Variants in NEBL observed in about 807,000 individuals in gnomAD.
The protein encoded by NEBL is LIM and SH3 protein 2.
Under a neutral mutation model 140.2 loss-of-function variants are expected in NEBL, and 122 were observed. That is an observed-to-expected ratio of 0.87 (90% CI 0.75 to 1.01). The LOEUF is 1.01. Among genes scored for constraint, NEBL ranks in the 50% least tolerant of loss-of-function variants. The probability of loss-of-function intolerance (pLI) is 0.00; values close to 1 mark genes in which losing one functional copy is unlikely to be tolerated. For missense variants in NEBL, 1,365 were observed against 1,231.3 expected (o/e 1.11, Z -1.62); for synonymous variants, 436 against 398.9 (o/e 1.09, Z -1.11).
intron 2 of NEBL, among the ~76,000 whole-genome samples, chr10:21,154,735 C>T (rs994788125): frequency 1.3e-5 from 2 of 152,210 alleles, no homozygotes; most frequent in African/African-American, 2.4e-5. Context: ...TTAACTCTTA[C>T]TCCAAATCCA....
At chr10:20,931,778 C>A (rs1318296673) in intron 4 of NEBL, among the ~76,000 whole-genome samples, 2 of 152,112 alleles carry the variant, frequency 1.3e-5, no homozygotes, top group African/African-American at 2.4e-5. Context: ...GCCCCATATT[C>A]TATCATCCTT....
At chr10:21,113,289 C>A (rs1382200078) in intron 2 of NEBL, 3 of 130,360 alleles carry the variant, frequency 2.3e-5, no homozygotes, top group East Asian at 5.9e-4. Flanking sequence ...GATGAGAATC[C>A]TAAAAAAAAA....
intron 3 of NEBL, among the ~76,000 whole-genome samples, chr10:20,975,627 G>A (rs960695417): frequency 2.0e-5 from 3 of 152,038 alleles, no homozygotes; most frequent in Non-Finnish European, 4.4e-5. Context: ...CGAAACCCAC[G>A]TCAAGATGAG....
intron 2 of NEBL, among the ~76,000 whole-genome samples, chr10:21,102,283 T>G (rs1415845528): frequency 3.3e-5 from 5 of 152,180 alleles, no homozygotes; most frequent in Admixed American, 3.3e-4. Context: ...TATAATTGGC[T>G]CACAATATAA....
chr10:20,824,285 C>G (rs1436925327), intron 18 of NEBL, among the ~76,000 whole-genome samples: 3 of 152,068 alleles, frequency 2.0e-5, no homozygotes, highest in African/African-American at 7.2e-5. Context: ...CAGAAATCAC[C>G]TGGTAATGTT....
At chr10:20,805,010 G>T (rs1350333161) in intron 26 of NEBL, among the ~76,000 whole-genome samples, 1 of 152,146 alleles carries the variant, frequency 6.6e-6, no homozygotes, top group African/African-American at 2.4e-5. Context: ...GACAGTGGCT[G>T]ACATAAGGGT....
chr10:20,896,669 G>A (rs1303664324), intron 2 of NEBL, among the ~76,000 whole-genome samples: 1 of 151,660 alleles, frequency 6.6e-6, no homozygotes, highest in Non-Finnish European at 1.5e-5. Context: ...TTCTCAAATG[G>A]AATAAATACT....
intron 3 of NEBL, among the ~76,000 whole-genome samples, chr10:21,196,353 A>G (rs148784967): frequency 0.031 from 4,550 of 146,578 alleles, 225 homozygotes; most frequent in African/African-American, 0.11. Flanking sequence ...TTATTTATCT[A>G]TTTATTTTGA....
intron 2 of NEBL, among the ~76,000 whole-genome samples, chr10:21,165,796 G>C (rs1222188464): frequency 1.3e-5 from 2 of 152,134 alleles, no homozygotes; most frequent in African/African-American, 4.8e-5. Flanking sequence ...GAAAGGTGTG[G>C]GGTCGGGTGT....
rs146673676 is a variant in NEBL at position 20,808,547 on chromosome 10, T to A, written c.2724A>T (p.Ser908=). 475 of 1,613,974 alleles carry A rather than the reference T, an allele frequency of 2.9e-4. No individual in the cohort carries two copies. Among genetic ancestry groups the A allele is most frequent in the Middle Eastern group, 6.6e-4 (4 of 6,060 alleles). Residue 908 remains serine (S), a synonymous_variant, in exon 26 of 28, where the codon TCA becomes TCT. Coordinates refer to ENST00000377122, the MANE Select transcript of NEBL (RefSeq NM_006393.3). ...SEISEIYPSF[S]CCSEVTRPSD... ...ACGGTCTTGTTACCTCACTGCAGCA[T>A]GAAAAGCTAGGGTAAATCTCGGAGA... is the stretch of plus-strand genomic sequence containing the variant.
chr10:20,799,504 A>T (rs1463872938), intron 26 of NEBL, among the ~76,000 whole-genome samples: 1 of 152,238 alleles, frequency 6.6e-6, no homozygotes. Context: ...AACTTAAATG[A>T]AGATAGCACT....
chr10:21,230,541 T>C (rs1212543680), intron 3 of NEBL, among the ~76,000 whole-genome samples: 1 of 152,080 alleles, frequency 6.6e-6, no homozygotes, highest in Non-Finnish European at 1.5e-5. Flanking sequence ...CCCTTTTGTT[T>C]TGAGAGAAAA....
intron 3 of NEBL, among the ~76,000 whole-genome samples, chr10:20,981,095 A>C (rs1424383156): frequency 3.9e-5 from 6 of 152,160 alleles, no homozygotes; most frequent in Non-Finnish European, 1.5e-5. Flanking sequence ...CAGCCCCAAC[A>C]AATTATTTAT....
chr10:20,788,851 G>C (rs1256204287), intron 26 of NEBL, among the ~76,000 whole-genome samples: 1 of 152,166 alleles, frequency 6.6e-6, no homozygotes, highest in Non-Finnish European at 1.5e-5. Context: ...CACTTAATTA[G>C]CTGAGTAGGG....
chr10:21,058,591 C>T (rs192602472), intron 2 of NEBL, among the ~76,000 whole-genome samples: 2 of 151,998 alleles, frequency 1.3e-5, no homozygotes, highest in African/African-American at 2.4e-5. Flanking sequence ...AAAGAAACAA[C>T]ATTATTTAAT....
chr10:20,914,259 T>C (rs747127795), intron 4 of NEBL, among the ~76,000 whole-genome samples: 7 of 152,186 alleles, frequency 4.6e-5, no homozygotes, highest in African/African-American at 7.2e-5. Flanking sequence ...GTCGCTATTA[T>C]TCAACTATAT....
intron 7 of NEBL, among the ~76,000 whole-genome samples, chr10:20,860,521 GCA>G (rs1843572714): frequency 8.7e-6 from 1 of 114,850 alleles, no homozygotes; most frequent in Non-Finnish European, 1.7e-5. Flanking sequence ...ATATGAGAAT[GCA>G]TGTCATAACT....
At chr10:21,158,756 T>G (rs1485817260) in intron 2 of NEBL, among the ~76,000 whole-genome samples, 1 of 152,212 alleles carries the variant, frequency 6.6e-6, no homozygotes, top group Non-Finnish European at 1.5e-5. Context: ...TAATTTTTAC[T>G]TTAATTTCTT....
Position 20,781,561 on chromosome 10 carries a change from T to C in NEBL, c.*4186A>G, listed in dbSNP as rs1466694706. On this transcript the variant is annotated 3_prime_UTR_variant, in exon 28 of 28. Transcript: ENST00000377122. ...ACTGGATTACAAAGAAGTGATACTA[T>C]GCAAACTGGATACCATGTATCAAGC... 6.6e-6 allele frequency: 1 copy of C among 152,204 alleles called. No homozygotes were observed. The highest frequency in any genetic ancestry group is 1.5e-5 in the Non-Finnish European group (1 of 68,028). The allele number at this position is 152,204 out of a possible 1,614,324, so 9.4% of individuals were successfully genotyped here.
Sources: gnomAD v4.1 joint callset for allele counts (sites outside exome capture counted in the v4.1 genomes callset) on GRCh38, gnomAD v4.1.1 for gene constraint, MANE v1.5 for transcripts, NCBI Gene and HGNC (gene_info 2026-07-23, HGNC 2026-07-21) for gene names.